ZBTB20: variants seen among roughly 807,000 people sequenced by gnomAD.
ZBTB20 encodes the protein zinc finger and BTB domain-containing protein 20.
In ZBTB20, 9 loss-of-function variants were observed where a neutral mutation model predicts 56.9. The ratio of observed to expected loss-of-function variants is 0.16; its 90% CI spans 0.10 to 0.28. The LOEUF (loss-of-function observed/expected upper bound fraction) is 0.28. ZBTB20 is among the 10% of genes least tolerant of loss of function. ZBTB20 has a pLI of 1.00. For synonymous variants in ZBTB20, 417 were observed against 420.7 expected (o/e 0.99, Z 0.11); for missense variants, 655 against 1,003.0 (o/e 0.65, Z 4.69).
intron 3 of ZBTB20, among the ~76,000 whole-genome samples, chr3:114,933,038 C>T (rs2076411716): frequency 6.6e-6 from 1 of 152,052 alleles, no homozygotes; most frequent in African/African-American, 2.4e-5. Context: ...GAGAGACAGG[C>T]CCAGACAGAC....
At chr3:114,919,115 C>G (rs1235841155) in intron 3 of ZBTB20, among the ~76,000 whole-genome samples, 1 of 152,018 alleles carries the variant, frequency 6.6e-6, no homozygotes, top group Non-Finnish European at 1.5e-5. Flanking sequence ...CAAAAAATAT[C>G]AAAAACAACT....
chr3:114,907,698 C>A (rs2075373559), intron 3 of ZBTB20, among the ~76,000 whole-genome samples: 1 of 151,810 alleles, frequency 6.6e-6, no homozygotes, highest in South Asian at 2.1e-4. Flanking sequence ...TAGTTCAGGA[C>A]AAAGCACACA....
At chr3:114,955,252 C>T (rs2077207003) in intron 3 of ZBTB20, among the ~76,000 whole-genome samples, 1 of 152,220 alleles carries the variant, frequency 6.6e-6, no homozygotes, top group Admixed American at 6.5e-5. Context: ...AGCATAGCTG[C>T]ACCTTCTGCT....
chr3:115,000,444 C>A (rs1251817741), intron 2 of ZBTB20, among the ~76,000 whole-genome samples: 1 of 151,470 alleles, frequency 6.6e-6, no homozygotes, highest in Non-Finnish European at 1.5e-5. Context: ...TAACAGTTTC[C>A]TGTTAGTTTT....
At chr3:114,734,819 C>T (rs1289994) in intron 5 of ZBTB20, among the ~76,000 whole-genome samples, 145,941 of 152,158 alleles carry the variant, frequency 0.96, 70,308 homozygotes, top group East Asian at 1. Flanking sequence ...AGCTCAGGGA[C>T]TGGTAAGGTG....
At chr3:114,514,996 T>G (rs1161158448) in intron 6 of ZBTB20, among the ~76,000 whole-genome samples, 2 of 152,184 alleles carry the variant, frequency 1.3e-5, no homozygotes, top group Non-Finnish European at 2.9e-5. Context: ...CATTCTGTGA[T>G]AATGGTGGTA....
chr3:114,703,282 C>T (rs548188025), intron 5 of ZBTB20, among the ~76,000 whole-genome samples: 2 of 152,278 alleles, frequency 1.3e-5, no homozygotes, highest in African/African-American at 4.8e-5. Context: ...CCTCTTCTCT[C>T]ATCCCTGTAA....
intron 1 of ZBTB20, among the ~76,000 whole-genome samples, chr3:115,146,608 G>A (rs1378982188): frequency 6.6e-6 from 1 of 152,222 alleles, no homozygotes; most frequent in Non-Finnish European, 1.5e-5. Flanking sequence ...CGAAGCAGGC[G>A]GGGGCCGGGA....
In ZBTB20 at chr3:114,321,771, A is replaced by G. The variant is rs2078902652; in HGVS notation, c.*17234T>C. The G allele has an allele frequency of 6.6e-6, 1 of 152,226 alleles. No individual in the cohort carries two copies. Among genetic ancestry groups the G allele is most frequent in the African/African-American group, 2.4e-5 (1 of 41,458 alleles). The allele number at this position is 152,226 out of a possible 1,614,324, so 9.4% of individuals were successfully genotyped here. A position where few individuals can be genotyped will look rare whatever the true frequency, so the allele number is the denominator to read the frequency against. On this transcript the variant is annotated 3_prime_UTR_variant, in exon 12 of 12. Transcript: ENST00000675478. ...TTCTCTCAGTCAGTTGCTCCAGTTT[A>G]AAGGAGAGTTTAGAATCTAGTGCAA...
At chr3:114,830,054 G>A (rs139006599) in intron 4 of ZBTB20, among the ~76,000 whole-genome samples, 6 of 151,964 alleles carry the variant, frequency 3.9e-5, no homozygotes, top group Non-Finnish European at 8.8e-5. Flanking sequence ...GCATCACAAA[G>A]TACAATTAAT....
chr3:114,417,643 C>T (rs1350534208), intron 7 of ZBTB20, among the ~76,000 whole-genome samples: 1 of 152,030 alleles, frequency 6.6e-6, no homozygotes, highest in Admixed American at 6.6e-5. Context: ...TGTTTGCATA[C>T]ACGTCTATCT....
chr3:114,413,300 T>C lies in ZBTB20; in HGVS notation c.-254-24195A>G, dbSNP rs1239961947. ...TAGTATACGTGAACTGGAAGTCATC[T>C]TACTACTTTTCAAAAGAAACAATTT... On this transcript the variant is annotated intron_variant, in intron 7 of 11. Coordinates refer to ENST00000675478, the MANE Select transcript of ZBTB20 (RefSeq NM_001348800.3). Among the ~76,000 whole-genome samples the C allele has an allele frequency of 2.0e-5, 3 of 152,170 alleles. No homozygotes were observed. The East Asian group carries it at 5.8e-4, about 29-fold the overall frequency.
chr3:115,002,758 G>A (rs1435949429), intron 2 of ZBTB20, among the ~76,000 whole-genome samples: 1 of 151,474 alleles, frequency 6.6e-6, no homozygotes, highest in African/African-American at 2.4e-5. Context: ...ATGCTATTTG[G>A]CACTTTCTTA....
chr3:115,080,357 A>G (rs1024370856), intron 1 of ZBTB20, among the ~76,000 whole-genome samples: 2 of 152,200 alleles, frequency 1.3e-5, no homozygotes, highest in African/African-American at 4.8e-5. Context: ...AAGATCAAAC[A>G]TTGTACTAGA....
At chr3:114,419,912 C>T (rs1474489350) in intron 7 of ZBTB20, among the ~76,000 whole-genome samples, 1 of 152,038 alleles carries the variant, frequency 6.6e-6, no homozygotes, top group Non-Finnish European at 1.5e-5. Flanking sequence ...AGTAGATGTA[C>T]ACTTGAGGGG....
intron 4 of ZBTB20, among the ~76,000 whole-genome samples, chr3:114,843,106 C>T (rs1050056334): frequency 6.6e-6 from 1 of 152,160 alleles, no homozygotes; most frequent in Non-Finnish European, 1.5e-5. Context: ...TCACCTTCTG[C>T]CATGATTATA....
At chr3:114,704,060 T>C (rs2063563371) in intron 5 of ZBTB20, among the ~76,000 whole-genome samples, 1 of 152,172 alleles carries the variant, frequency 6.6e-6, no homozygotes, top group Non-Finnish European at 1.5e-5. Flanking sequence ...CTAAAAACTT[T>C]CCTAAATCAA....
At chr3:114,986,930 CATGA>C (rs2078571428) in intron 2 of ZBTB20, among the ~76,000 whole-genome samples, 1 of 152,066 alleles carries the variant, frequency 6.6e-6, no homozygotes, top group Non-Finnish European at 1.5e-5. Context: ...CCCGTCTAAT[CATGA>C]TAACCAATAA....
intron 2 of ZBTB20, among the ~76,000 whole-genome samples, chr3:115,041,979 C>T (rs561560309): frequency 6.6e-6 from 1 of 151,928 alleles, no homozygotes; most frequent in Non-Finnish European, 1.5e-5. Context: ...TAGGAGGTAA[C>T]TTTTATTTCT....
Sources: gnomAD v4.1 joint callset for allele counts (sites outside exome capture counted in the v4.1 genomes callset) on GRCh38, gnomAD v4.1.1 for gene constraint, MANE v1.5 for transcripts, NCBI Gene and HGNC (gene_info 2026-07-23, HGNC 2026-07-21) for gene names.